The following SLC24A3 variants were observed in gnomAD, a reference collection of about 807,000 sequenced individuals.
The protein encoded by SLC24A3 is sodium/potassium/calcium exchanger 3.
A neutral mutation model predicts 75.8 loss-of-function variants in SLC24A3; 28 were observed. The ratio of observed to expected loss-of-function variants is 0.37; its 90% CI spans 0.27 to 0.51. The LOEUF (loss-of-function observed/expected upper bound fraction) is 0.51. SLC24A3 is among the 20% of genes least tolerant of loss of function. SLC24A3 has a pLI of 0.94. For synonymous variants in SLC24A3, 372 were observed against 334.1 expected, an observed-to-expected ratio of 1.11 and a Z score of -1.24; for missense variants, 663 against 847.8, an observed-to-expected ratio of 0.78 and a Z score of 2.71.
Position 19,673,658 on chromosome 20 carries a change from A to C in SLC24A3, c.767+4A>C, listed in dbSNP as rs750117355. ...TTATCTACATTGTCATCATGAAGTAAGTAAAATTTTTCATTTCTTATCCAA... is the reference window on the plus strand; with the variant it reads ...TTATCTACATTGTCATCATGAAGTACGTAAAATTTTTCATTTCTTATCCAA... On this transcript the variant is annotated splice_donor_region_variant and intron_variant, in intron 9 of 16. Transcript: ENST00000328041. 6.2e-7 allele frequency: 1 copy of C among 1,612,896 alleles called. No homozygotes were observed. Among genetic ancestry groups the C allele is most frequent in the East Asian group, 2.2e-5 (1 of 44,888 alleles).
intron 6 of SLC24A3, among the ~76,000 whole-genome samples, chr20:19,594,211 A>C (rs2031420611): frequency 6.6e-6 from 1 of 151,948 alleles, no homozygotes; most frequent in Admixed American, 6.6e-5. Flanking sequence ...TGTTCCTTCG[A>C]CTGGTGTCCA....
At chr20:19,637,854 G>A (rs1053842385) in intron 6 of SLC24A3, among the ~76,000 whole-genome samples, 4 of 152,090 alleles carry the variant, frequency 2.6e-5, no homozygotes, top group Non-Finnish European at 5.9e-5. Flanking sequence ...TGACACAGAG[G>A]GGAAAGCTTC....
chr20:19,374,013 T>A (rs984969030), intron 2 of SLC24A3, among the ~76,000 whole-genome samples: 2 of 152,322 alleles, frequency 1.3e-5, no homozygotes, highest in Non-Finnish European at 2.9e-5. Flanking sequence ...TGGCCACTAA[T>A]GTCCATTTTT....
chr20:19,611,873 G>A (rs1389760202), intron 6 of SLC24A3, among the ~76,000 whole-genome samples: 1 of 152,110 alleles, frequency 6.6e-6, no homozygotes, highest in Non-Finnish European at 1.5e-5. Context: ...GCAGCCTTTG[G>A]CGCACTTGTT....
intron 6 of SLC24A3, among the ~76,000 whole-genome samples, chr20:19,589,333 A>T (rs1342149725): frequency 6.6e-6 from 1 of 152,196 alleles, no homozygotes; most frequent in African/African-American, 2.4e-5. Context: ...GAGGCGGGGG[A>T]GCTAGAGTAT....
intron 3 of SLC24A3, among the ~76,000 whole-genome samples, chr20:19,529,649 T>A (rs880346): frequency 0.15 from 22,107 of 152,060 alleles, 1,739 homozygotes; most frequent in Middle Eastern, 0.2. Context: ...CCCAAGTTCA[T>A]CCCCTCCTCC....
chr20:19,719,786 G>A lies in SLC24A3; in HGVS notation c.1786-1205G>A, dbSNP rs56130061. 2.0e-5 allele frequency among the ~76,000 whole-genome samples: 3 copies of A among 152,306 alleles called. No homozygotes were observed. In the East Asian group the frequency reaches 5.8e-4, roughly 29 times the overall value. ...ATTGGGACTTGGCTTGAACTGAAGGGCTATGGCTTAGCCAAGCAAGGACAA... is the reference window on the plus strand; with the variant it reads ...ATTGGGACTTGGCTTGAACTGAAGGACTATGGCTTAGCCAAGCAAGGACAA... On this transcript the variant is annotated intron_variant, in intron 16 of 16. Coordinates refer to ENST00000328041, the MANE Select transcript of SLC24A3 (RefSeq NM_020689.4).
At chr20:19,371,455 G>A (rs571333330) in intron 2 of SLC24A3, among the ~76,000 whole-genome samples, 43 of 152,244 alleles carry the variant, frequency 2.8e-4, no homozygotes, top group African/African-American at 9.6e-4. Flanking sequence ...AAAGCATTAT[G>A]GACAAGACCC....
chr20:19,649,429 A>C (rs955090936), intron 6 of SLC24A3, among the ~76,000 whole-genome samples: 2 of 152,178 alleles, frequency 1.3e-5, no homozygotes, highest in Non-Finnish European at 2.9e-5. Context: ...TATTTAACTG[A>C]TTCTCTCCCT....
intron 3 of SLC24A3, among the ~76,000 whole-genome samples, chr20:19,537,301 G>C (rs1198078120): frequency 6.6e-6 from 1 of 152,196 alleles, no homozygotes; most frequent in Admixed American, 6.5e-5. Flanking sequence ...GGCCATCAGA[G>C]AAATGCAAAT....
At chr20:19,484,218 A>T (rs1028105486) in intron 2 of SLC24A3, among the ~76,000 whole-genome samples, 1 of 152,206 alleles carries the variant, frequency 6.6e-6, no homozygotes, top group Non-Finnish European at 1.5e-5. Flanking sequence ...ATAATGAGGT[A>T]TCTTGGAGAT....
intron 2 of SLC24A3, among the ~76,000 whole-genome samples, chr20:19,369,990 G>T (rs1027147690): frequency 3.3e-5 from 5 of 152,088 alleles, no homozygotes; most frequent in Admixed American, 2.6e-4. Flanking sequence ...ATCTTGACTG[G>T]GATGTGGGTT....
chr20:19,502,842 G>A (rs867749356), intron 2 of SLC24A3, among the ~76,000 whole-genome samples: 119 of 142,818 alleles, frequency 8.3e-4, no homozygotes, highest in African/African-American at 3.0e-3. Context: ...ACCAGCTTAG[G>A]TGACATAGCA....
At position 19,241,340 on chromosome 20, in the gene SLC24A3, C is replaced by T. The variant is rs1001398397; in HGVS notation, c.142+28356C>T. ...TTTGAGGCCCCAGGGTTTGTGCACA[C>T]AATACTCGGGGCTTGGGAGTGCCCC... On this transcript the variant is annotated intron_variant, in intron 1 of 16. Transcript: ENST00000328041. 1.6e-4 allele frequency among the ~76,000 whole-genome samples: 24 copies of T among 152,174 alleles called. 1 individual carries two copies. The highest frequency in any genetic ancestry group is 5.8e-4 in the African/African-American group (24 of 41,448).
chr20:19,491,576 G>A (rs565600620), intron 2 of SLC24A3, among the ~76,000 whole-genome samples: 6 of 152,172 alleles, frequency 3.9e-5, no homozygotes, highest in Non-Finnish European at 4.4e-5. Flanking sequence ...ACTGAGTGGC[G>A]CTGCCATCAC....
At chr20:19,504,371 C>T (rs1017296497) in intron 2 of SLC24A3, among the ~76,000 whole-genome samples, 2 of 152,174 alleles carry the variant, frequency 1.3e-5, no homozygotes, top group Non-Finnish European at 2.9e-5. Flanking sequence ...TTGAAACCTC[C>T]AGCCATTTAG....
rs575604685 is a variant in SLC24A3 at position 19,621,418 on chromosome 20, T to C, written c.613-32644T>C. Among the ~76,000 whole-genome samples, 115 of 152,328 alleles carry C rather than the reference T, an allele frequency of 7.5e-4. 1 individual carries two copies. The highest frequency in any genetic ancestry group is 1.6e-3 in the Admixed American group (24 of 15,296). ...TAGAAGGGTTGTTGGTTGGTTTGTT[T>C]AGTTGTTTTTAACTAAAGATACTTA... On this transcript the variant is annotated intron_variant, in intron 6 of 16. Coordinates refer to ENST00000328041, the MANE Select transcript of SLC24A3 (RefSeq NM_020689.4).
chr20:19,457,019 A>G (rs553980210), intron 2 of SLC24A3, among the ~76,000 whole-genome samples: 3 of 152,372 alleles, frequency 2.0e-5, no homozygotes, highest in African/African-American at 7.2e-5. Flanking sequence ...GGCATGTGCC[A>G]GACATGGCTC....
intron 2 of SLC24A3, among the ~76,000 whole-genome samples, chr20:19,391,323 T>C (rs921459339): frequency 6.6e-6 from 1 of 152,048 alleles, no homozygotes; most frequent in African/African-American, 2.4e-5. Flanking sequence ...TAACTATGGG[T>C]GAATGAATGT....
Sources: allele counts gnomAD v4.1 joint callset (sites outside exome capture counted in the v4.1 genomes callset), GRCh38; gene constraint gnomAD v4.1.1; transcripts MANE v1.5; gene names NCBI Gene and HGNC (gene_info 2026-07-23, HGNC 2026-07-21).